The following RBBP5 variants were observed in gnomAD, a reference collection of about 807,000 sequenced individuals.
RBBP5 encodes RB binding protein 5, histone lysine methyltransferase complex subunit, also known as retinoblastoma-binding protein 5.
Under a neutral mutation model 72.2 loss-of-function variants are expected in RBBP5, and 5 were observed. The observed-to-expected ratio is 0.07, with a 90% CI of 0.04 to 0.15. The LOEUF is 0.15. Ranked by LOEUF, RBBP5 falls within the 10% of genes least tolerant of loss-of-function variation. The pLI, the probability that RBBP5 is intolerant of heterozygous loss-of-function variation, is 1.00. For missense variants in RBBP5, 322 were observed against 652.2 expected, an observed-to-expected ratio of 0.49 and a Z score of 5.51; for synonymous variants, 209 against 237.2, an observed-to-expected ratio of 0.88 and a Z score of 1.09.
At chr1:205,117,035 G>A (rs1030485680) in intron 1 of RBBP5, among the ~76,000 whole-genome samples, 6 of 150,704 alleles carry the variant, frequency 4.0e-5, no homozygotes, top group South Asian at 2.1e-4. Context: ...TTTGTTTTTC[G>A]ACCGGCCTGG....
intron 5 of RBBP5, among the ~76,000 whole-genome samples, chr1:205,103,052 A>G (rs1354484270): frequency 6.6e-6 from 1 of 151,440 alleles, no homozygotes; most frequent in Non-Finnish European, 1.5e-5. Flanking sequence ...TCACACCTAT[A>G]ATCACGGCAC....
In RBBP5 at chr1:205,096,795, A is replaced by G. The variant is rs150539043; in HGVS notation, c.1283T>C (p.Met428Thr). The change falls in exon 12 of 14, where the codon ATG becomes ACG. Residue 428 changes from methionine (M) to threonine (T), a missense_variant. By Grantham distance (81) the Met-to-Thr change is moderately conservative. Transcript: ENST00000264515. ...PPPDAVQTSL[M>T]DEGASSEKKR... ...CTTCTCTGAACTAGCCCCTTCATCC[A>G]TCAAGGAGGTTTGGACTGCATCCGG... 3.7e-6 allele frequency: 6 copies of G among 1,614,114 alleles called. No individual in the cohort carries two copies. The highest frequency in any genetic ancestry group is 5.1e-6 in the Non-Finnish European group (6 of 1,180,018).
chr1:205,099,975 T>C lies in RBBP5; in HGVS notation c.842A>G (p.Lys281Arg). Residue 281 changes from lysine to arginine, a missense_variant, in exon 8 of 14, where the codon AAG becomes AGG. This residue lies in a region of RBBP5 where 161 missense variants were observed against 327.8 expected (regional missense o/e 0.49). Coordinates refer to ENST00000264515, the MANE Select transcript of RBBP5 (RefSeq NM_005057.4). This position sits in a 1 kb window ranked among gnomAD's most constrained non-coding sequence, Gnocchi z 4.7. ...AATCTTCACCAGGTTGCCAATGCTC[T>C]TCTCCCAGATGTACAGGGCATGCTG... ...ARQHALYIWE[K>R]SIGNLVKILH... 6.2e-7 allele frequency: 1 copy of C among 1,614,232 alleles called. No individual in the cohort carries two copies. The highest frequency in any genetic ancestry group is 8.5e-7 in the Non-Finnish European group (1 of 1,180,046).
intron 10 of RBBP5, 93 bp downstream of exon 10, chr1:205,098,896 G>A: frequency 7.4e-6 from 5 of 675,574 alleles, no homozygotes; most frequent in Admixed American, 3.2e-5. Context: ...TTTAGATGAA[G>A]TGCTGAAATA....
chr1:205,110,106 C>T (rs1423134970), intron 3 of RBBP5, among the ~76,000 whole-genome samples: 1 of 151,964 alleles, frequency 6.6e-6, no homozygotes, highest in Non-Finnish European at 1.5e-5. Flanking sequence ...CCGCAACCTC[C>T]ATATGCCGGT....
At chr1:205,104,053 G>T in intron 4 of RBBP5, 34 bp from the exon 5 acceptor site, 1 of 1,589,438 alleles carries the variant, frequency 6.3e-7, no homozygotes, top group Non-Finnish European at 8.6e-7. Flanking sequence ...ATTGGCTGTT[G>T]CTTTGGTATC....
chr1:205,095,253 A>C (rs1413669211), intron 12 of RBBP5, among the ~76,000 whole-genome samples, 189 bp from the exon 13 acceptor site: 1 of 152,170 alleles, frequency 6.6e-6, no homozygotes, highest in Non-Finnish European at 1.5e-5. Flanking sequence ...CTTGGCCAAA[A>C]GGCACACATG....
At chr1:205,104,959 T>G (rs1655996865) in intron 4 of RBBP5, 69 bp downstream of exon 4, 1 of 1,527,698 alleles carries the variant, frequency 6.5e-7, no homozygotes, top group Non-Finnish European at 9.0e-7. Flanking sequence ...AAACTAAAAT[T>G]ATCATGAGCC....
In RBBP5 at chr1:205,087,091, G is replaced by C. The variant is rs1274486360; in HGVS notation, c.*1696C>G. On this transcript the variant is annotated 3_prime_UTR_variant, in exon 14 of 14. Transcript: ENST00000264515. ...ATATACTGGTTTTAAATGATGGAGTGAGACAAAGAGGCTCTTGCTGACGTG... is the reference window on the plus strand; with the variant it reads ...ATATACTGGTTTTAAATGATGGAGTCAGACAAAGAGGCTCTTGCTGACGTG... 1 of 152,144 alleles carries C rather than the reference G, an allele frequency of 6.6e-6. No individual in the cohort carries two copies. The highest frequency in any genetic ancestry group is 1.5e-5 in the Non-Finnish European group (1 of 68,030). 9.4% of individuals were successfully genotyped at this position (152,144 alleles called of 1,614,324 possible).
At chr1:205,118,617 C>T (rs1656620581) in intron 1 of RBBP5, among the ~76,000 whole-genome samples, 1 of 151,642 alleles carries the variant, frequency 6.6e-6, no homozygotes, top group Admixed American at 6.6e-5. Context: ...AGCAAGACTC[C>T]CTCTAAAGAA....
At chr1:205,116,352 A>T (rs1357227208) in intron 1 of RBBP5, 1 of 373,056 alleles carries the variant, frequency 2.7e-6, no homozygotes, top group Non-Finnish European at 5.5e-6. Context: ...AAACACTGGT[A>T]GGTAGATATC....
chr1:205,094,159 A>G (rs1207983399), intron 13 of RBBP5, among the ~76,000 whole-genome samples: 1 of 152,210 alleles, frequency 6.6e-6, no homozygotes, highest in African/African-American at 2.4e-5. Flanking sequence ...TCAGTAATAT[A>G]AAAGTGAGAA....
At chr1:205,117,702 T>C (rs1656580930) in intron 1 of RBBP5, among the ~76,000 whole-genome samples, 1 of 151,830 alleles carries the variant, frequency 6.6e-6, no homozygotes, top group Non-Finnish European at 1.5e-5. Flanking sequence ...TAAACAAATG[T>C]ATGTGTAAGT....
At position 205,095,204 on chromosome 1, in the gene RBBP5, A is replaced by C. The variant is rs565151636; in HGVS notation, c.1397-140T>G. 2.6e-5 allele frequency: 22 copies of C among 838,882 alleles called. No homozygotes were observed. In the African/African-American group the frequency reaches 3.4e-4, roughly 13 times the overall value. 52.0% of individuals were successfully genotyped at this position (838,882 alleles called of 1,614,324 possible). ...AAAGAGAAAAGTTTGTCTTATTTCTATAAGTATAAAACAGTGGTCATTAAA... is the reference window on the plus strand; with the variant it reads ...AAAGAGAAAAGTTTGTCTTATTTCTCTAAGTATAAAACAGTGGTCATTAAA... On this transcript the variant is annotated intron_variant, in intron 12 of 13. Transcript: ENST00000264515.
intron 3 of RBBP5, among the ~76,000 whole-genome samples, chr1:205,114,488 T>C (rs901685644): frequency 2.0e-5 from 3 of 152,206 alleles, no homozygotes; most frequent in Non-Finnish European, 2.9e-5. Flanking sequence ...TAACCGAGAC[T>C]TTTTATTCTA....
chr1:205,100,235 T>C lies in RBBP5; in HGVS notation c.669A>G (p.Arg223=), dbSNP rs1174343838. ...FLINTADRII[R]VYDGREILTC... is the part of the protein sequence containing the mutation. ...TTAAGATTTCTCTGCCATCATAAAC[T>C]CTGATTATTCGATCTGCCGTGTTAA... Residue 223 remains arginine, a synonymous_variant, in exon 7 of 14, where the codon AGA becomes AGG. Transcript: ENST00000264515. 6.2e-7 allele frequency: 1 copy of C among 1,614,136 alleles called. No individual in the cohort carries two copies. Among genetic ancestry groups the C allele is most frequent in the South Asian group, 1.1e-5 (1 of 91,080 alleles).
Position 205,094,974 on chromosome 1 carries a change from T to G in RBBP5, c.1487A>C (p.Asp496Ala), listed in dbSNP as rs1558571376. Residue 496 changes from aspartate to alanine, a missense_variant, in exon 13 of 14, where the codon GAT becomes GCT. Around this residue, in one of 6 missense-constraint regions of RBBP5, gnomAD observed 109 missense variants for 146.3 expected, o/e 0.75. Coordinates refer to ENST00000264515, the MANE Select transcript of RBBP5 (RefSeq NM_005057.4). ...RPKGSKGKEK[D>A]SPFKPKLYKG... ...GTAGAGTTTCGGTTTAAATGGAGAATCTTTCTCTTTACCTTTTGATCCTTT... is the reference window on the plus strand; with the variant it reads ...GTAGAGTTTCGGTTTAAATGGAGAAGCTTTCTCTTTACCTTTTGATCCTTT... 1 of 1,614,112 alleles carries G rather than the reference T, an allele frequency of 6.2e-7. No individual in the cohort carries two copies. The highest frequency in any genetic ancestry group is 1.7e-5 in the Admixed American group (1 of 60,012).
rs948471366 is a variant in RBBP5, at chr1:205,110,885, G to A, written c.218+3904C>T. ...TCAAGACTGGCCTGGCCAACATGGT[G>A]AAACCCCACCTCTACTAAAAATACA... On this transcript the variant is annotated intron_variant, in intron 3 of 13. Coordinates refer to ENST00000264515, the MANE Select transcript of RBBP5 (RefSeq NM_005057.4). Among the ~76,000 whole-genome samples the A allele has an allele frequency of 3.9e-5, 6 of 152,122 alleles. No homozygotes were observed. In the South Asian group the frequency reaches 1.2e-3, roughly 32 times the overall value.
chr1:205,116,830 G>A (rs910815337), intron 1 of RBBP5, among the ~76,000 whole-genome samples: 1 of 151,964 alleles, frequency 6.6e-6, no homozygotes, highest in Non-Finnish European at 1.5e-5. Context: ...AAAAGAAAAA[G>A]AGCAAGGAAA....
Sources: gnomAD v4.1 joint callset for allele counts (sites outside exome capture counted in the v4.1 genomes callset) on GRCh38, gnomAD v4.1.1 for gene constraint, gnomAD v4.1.1 regional missense constraint, Gnocchi (gnomAD v3.1) non-coding constraint, MANE v1.5 for transcripts, NCBI Gene and HGNC (gene_info 2026-07-23, HGNC 2026-07-21) for gene names.